The following ANKFN1 variants were observed in gnomAD, a reference collection of about 807,000 sequenced individuals.
ANKFN1 encodes the protein ankyrin repeat and fibronectin type III domain containing 1, also known as ankyrin repeat and fibronectin type-III domain-containing protein 1.
ANKFN1 carries 74 observed loss-of-function variants against 108.7 expected under a neutral mutation model. The ratio of observed to expected loss-of-function variants is 0.68; its 90% CI spans 0.56 to 0.83. ANKFN1 has a LOEUF of 0.83. ANKFN1 is among the 40% of genes least tolerant of loss of function. The pLI, the probability that ANKFN1 is intolerant of heterozygous loss-of-function variation, is 0.00. For missense variants in ANKFN1, 1,505 were observed against 1,382.3 expected, an observed-to-expected ratio of 1.09 and a Z score of -1.41; for synonymous variants, 547 against 516.2, an observed-to-expected ratio of 1.06 and a Z score of -0.81.
intron 3 of ANKFN1, among the ~76,000 whole-genome samples, chr17:56,280,559 C>T (rs550487159): frequency 2.0e-5 from 3 of 152,156 alleles, no homozygotes; most frequent in Admixed American, 6.5e-5. Flanking sequence ...TTCTCTGGTT[C>T]TCCAGCTTGC....
Position 56,419,483 on chromosome 17 carries a change from C to CA in ANKFN1, c.911-20830dup, listed in dbSNP as rs111608193. ...GGGCAACAAGAGTGAAACTCCATCTCAAAAAAAAAAAAAAGAGATATAAAT... is the reference window on the plus strand; with the variant it reads ...GGGCAACAAGAGTGAAACTCCATCTCAAAAAAAAAAAAAAAGAGATATAAAT... On this transcript the variant is annotated intron_variant, in intron 8 of 20. Transcript: ENST00000682825. Among the ~76,000 whole-genome samples the CA allele has an allele frequency of 2.4e-3, 285 of 118,602 alleles. 1 individual carries two copies. The highest frequency in any genetic ancestry group is 5.6e-3 in the South Asian group (21 of 3,740). The allele number at this position is 118,602 out of a possible 152,430, so 77.8% of individuals were successfully genotyped here.
intron 20 of ANKFN1, among the ~76,000 whole-genome samples, chr17:56,508,653 T>C (rs577201986): frequency 6.6e-6 from 1 of 150,738 alleles, no homozygotes; most frequent in South Asian, 2.1e-4. Context: ...GGGAGAAAAA[T>C]AAATGAAATG....
intron 4 of ANKFN1, among the ~76,000 whole-genome samples, chr17:56,139,538 C>T (rs1907790666): frequency 6.6e-6 from 1 of 152,024 alleles, no homozygotes; most frequent in Non-Finnish European, 1.5e-5. Context: ...TGGATTTGAG[C>T]CCATGTGATT....
At chr17:56,459,950 A>T (rs538254381) in intron 14 of ANKFN1, among the ~76,000 whole-genome samples, 1 of 152,198 alleles carries the variant, frequency 6.6e-6, no homozygotes, top group Non-Finnish European at 1.5e-5. Context: ...AGCCCATCTT[A>T]ATCACTTCCT....
intron 18 of ANKFN1, 35 bp from the exon 19 acceptor site, chr17:56,492,152 C>T (rs1254915458): frequency 1.5e-6 from 1 of 686,012 alleles, no homozygotes; most frequent in Non-Finnish European, 2.7e-6. Context: ...GATACCAGAT[C>T]TTAACATGTT....
chr17:56,449,908 C>G (rs1201345939), intron 11 of ANKFN1, among the ~76,000 whole-genome samples: 2 of 152,202 alleles, frequency 1.3e-5, no homozygotes, highest in Admixed American at 1.3e-4. Context: ...TAGACTTTCA[C>G]CAGCTACACC....
At chr17:56,400,401 T>C (rs1157026072) in intron 8 of ANKFN1, among the ~76,000 whole-genome samples, 1 of 148,650 alleles carries the variant, frequency 6.7e-6, no homozygotes, top group East Asian at 2.0e-4. Flanking sequence ...GAATTGTCTA[T>C]TCATGTTCTT....
chr17:56,488,579 A>G (rs1205708962), intron 18 of ANKFN1, among the ~76,000 whole-genome samples: 1 of 152,216 alleles, frequency 6.6e-6, no homozygotes, highest in African/African-American at 2.4e-5. Flanking sequence ...CATAGTGTCA[A>G]CCTTCATCCC....
chr17:56,349,984 G>A (rs997935079), intron 4 of ANKFN1, among the ~76,000 whole-genome samples: 4 of 152,088 alleles, frequency 2.6e-5, no homozygotes, highest in African/African-American at 9.7e-5. Flanking sequence ...AATTTCAAGA[G>A]CAATACCCAC....
chr17:56,439,894 T>A (rs1173089247), intron 8 of ANKFN1, among the ~76,000 whole-genome samples: 1 of 152,148 alleles, frequency 6.6e-6, no homozygotes, highest in Non-Finnish European at 1.5e-5. Flanking sequence ...GAACAAGCTG[T>A]TACATGTAAT....
At chr17:56,439,204 C>G (rs185628992) in intron 8 of ANKFN1, among the ~76,000 whole-genome samples, 2 of 152,206 alleles carry the variant, frequency 1.3e-5, no homozygotes, top group South Asian at 4.2e-4. Flanking sequence ...ACTCGAGGGG[C>G]GCAGCAGGCT....
chr17:56,492,885 A>G (rs939977678), intron 19 of ANKFN1, among the ~76,000 whole-genome samples: 1 of 152,152 alleles, frequency 6.6e-6, no homozygotes, highest in Admixed American at 6.5e-5. Context: ...TTTTCTGGTA[A>G]AGCCTATGGT....
At chr17:56,488,519 T>G (rs1055786550) in intron 18 of ANKFN1, among the ~76,000 whole-genome samples, 4 of 152,180 alleles carry the variant, frequency 2.6e-5, no homozygotes. Flanking sequence ...CTATGGAATA[T>G]CTAGGCAGTG....
Position 56,350,912 on chromosome 17 carries a change from A to G in ANKFN1, c.335A>G (p.Asp112Gly). The G allele has an allele frequency of 6.2e-7, 1 of 1,613,842 alleles. No individual in the cohort carries two copies. The highest frequency in any genetic ancestry group is 8.5e-7 in the Non-Finnish European group (1 of 1,179,886). Residue 112 changes from aspartate to glycine, a missense_variant, in exon 5 of 21, where the codon GAT (aspartate) becomes GGT (glycine). Asp to Gly is a moderately conservative substitution (Grantham distance 94). Coordinates refer to ENST00000682825, the MANE Select transcript of ANKFN1 (RefSeq NM_001370326.1). ...EKLKGSHSSF[D>G]EAYFRTRTDR... ...CTGAAAGGGAGCCACTCTTCCTTCG[A>G]TGAGGCCTATTTTAGGACAAGAACT... is the stretch of plus-strand genomic sequence containing the variant.
intron 4 of ANKFN1, among the ~76,000 whole-genome samples, chr17:56,063,630 T>A (rs1360383851): frequency 6.6e-6 from 1 of 152,032 alleles, no homozygotes; most frequent in African/African-American, 2.4e-5. Context: ...AAATGGTTAC[T>A]GTAGTTAGCA....
chr17:56,219,361 C>T (rs1915678426), intron 2 of ANKFN1, among the ~76,000 whole-genome samples: 1 of 151,964 alleles, frequency 6.6e-6, no homozygotes, highest in Non-Finnish European at 1.5e-5. Context: ...ATTCTCCTGC[C>T]TCAACCTCCC....
At chr17:56,111,391 C>T (rs1270970097) in intron 4 of ANKFN1, among the ~76,000 whole-genome samples, 1 of 152,150 alleles carries the variant, frequency 6.6e-6, no homozygotes, top group African/African-American at 2.4e-5. Flanking sequence ...CACCTCTCTG[C>T]CTCTCCTTGT....
chr17:56,374,557 G>A (rs2144779500), intron 7 of ANKFN1, 44 bp from the exon 8 acceptor site: 1 of 1,426,950 alleles, frequency 7.0e-7, no homozygotes, highest in South Asian at 1.2e-5. Context: ...TGTTTGAAAA[G>A]GATTTGCTAT....
chr17:56,516,466 T>TTAGAC lies in ANKFN1; in HGVS notation c.*5199_*5203dup, dbSNP rs2145521576. 6.6e-6 allele frequency among the ~76,000 whole-genome samples: 1 copy of TTAGAC among 152,346 alleles called. No individual in the cohort carries two copies. Among genetic ancestry groups the TTAGAC allele is most frequent in the South Asian group, 2.1e-4 (1 of 4,832 alleles). On this transcript the variant is annotated 3_prime_UTR_variant, in exon 21 of 21. Coordinates refer to ENST00000682825, the MANE Select transcript of ANKFN1 (RefSeq NM_001370326.1). The stretch of plus-strand genomic sequence containing the variant: ...TATGCAACTGAGTGTATGTTAAAGT[T>TTAGAC]TAGACTTCAGTACGCTATCTGCACA...
Sources: gnomAD v4.1 joint callset for allele counts (sites outside exome capture counted in the v4.1 genomes callset) on GRCh38, gnomAD v4.1.1 for gene constraint, MANE v1.5 for transcripts, NCBI Gene and HGNC (gene_info 2026-07-23, HGNC 2026-07-21) for gene names.